Variants in EBF1 observed in about 807,000 individuals in gnomAD.
EBF1 encodes EBF transcription factor 1.
A neutral mutation model predicts 68.4 loss-of-function variants in EBF1; 10 were observed. The observed-to-expected ratio is 0.15, with a 90% confidence interval of 0.09 to 0.25. The LOEUF is 0.25. EBF1 is among the 10% of genes least tolerant of loss of function. The pLI, the probability that EBF1 is intolerant of heterozygous loss-of-function variation, is 1.00. For synonymous variants in EBF1, 298 were observed against 299.8 expected (o/e 0.99, Z 0.06); for missense variants, 509 against 794.4 (o/e 0.64, Z 4.32).
chr5:158,811,753 C>T (rs1208014642), intron 8 of EBF1, among the ~76,000 whole-genome samples: 1 of 152,184 alleles, frequency 6.6e-6, no homozygotes, highest in East Asian at 1.9e-4. Flanking sequence ...GGAACCACAT[C>T]TCAAAGTCAA....
At chr5:158,761,637 G>C (rs1056490359) in intron 10 of EBF1, among the ~76,000 whole-genome samples, 4 of 152,186 alleles carry the variant, frequency 2.6e-5, no homozygotes, top group Non-Finnish European at 5.9e-5. Flanking sequence ...TAAAAATAAA[G>C]TAAAATCATT....
chr5:158,775,389 C>T (rs1774910177), intron 10 of EBF1, among the ~76,000 whole-genome samples: 1 of 151,862 alleles, frequency 6.6e-6, no homozygotes, highest in Non-Finnish European at 1.5e-5. Context: ...GAGACCTGAC[C>T]ACAAAATGGA....
At chr5:158,749,208 T>C (rs1321260765) in intron 10 of EBF1, among the ~76,000 whole-genome samples, 1 of 152,166 alleles carries the variant, frequency 6.6e-6, no homozygotes, top group Non-Finnish European at 1.5e-5. Flanking sequence ...TCATTTACAA[T>C]TGGACTTTGT....
chr5:158,797,925 T>A (rs1779872272), intron 8 of EBF1, among the ~76,000 whole-genome samples: 1 of 152,212 alleles, frequency 6.6e-6, no homozygotes, highest in South Asian at 2.1e-4. Flanking sequence ...TGTCTGATTT[T>A]TTAACATACA....
At chr5:158,727,926 G>A (rs1005189579) in intron 11 of EBF1, among the ~76,000 whole-genome samples, 4 of 152,154 alleles carry the variant, frequency 2.6e-5, no homozygotes, top group Non-Finnish European at 5.9e-5. Flanking sequence ...ATGTGTGGGT[G>A]GTTGTATGAA....
intron 6 of EBF1, among the ~76,000 whole-genome samples, chr5:158,963,716 C>G (rs1753533803): frequency 6.6e-6 from 1 of 152,064 alleles, no homozygotes; most frequent in Non-Finnish European, 1.5e-5. Flanking sequence ...AAAAAGGCAC[C>G]CATCCAGCTA....
At chr5:158,967,850 A>C (rs1277478503) in intron 6 of EBF1, among the ~76,000 whole-genome samples, 1 of 152,220 alleles carries the variant, frequency 6.6e-6, no homozygotes, top group Non-Finnish European at 1.5e-5. Flanking sequence ...AAAACTACAA[A>C]AGGGCTGAAA....
chr5:158,921,283 G>A (rs766206484), intron 6 of EBF1, among the ~76,000 whole-genome samples: 3 of 152,138 alleles, frequency 2.0e-5, no homozygotes, highest in African/African-American at 7.2e-5. Context: ...CTAAATAGAT[G>A]AAATCTACAC....
At position 158,872,480 on chromosome 5, in the gene EBF1, G is replaced by A. The variant is rs151190418; in HGVS notation, c.555-32370C>T. 1.6e-4 allele frequency among the ~76,000 whole-genome samples: 24 copies of A among 152,270 alleles called. No individual in the cohort carries two copies. In the East Asian group the frequency reaches 3.1e-3, roughly 20 times the overall value. On this transcript the variant is annotated intron_variant, in intron 6 of 15. Coordinates refer to ENST00000313708, the MANE Select transcript of EBF1 (RefSeq NM_024007.5). ...ATCCTGAAGGGCTGGGATTACAGGC[G>A]TGAGCCACTGCACCCGGCCCTGTTT...
At chr5:158,745,509 T>G (rs1165467838) in intron 10 of EBF1, among the ~76,000 whole-genome samples, 1 of 152,184 alleles carries the variant, frequency 6.6e-6, no homozygotes, top group Non-Finnish European at 1.5e-5. Flanking sequence ...GTCGTGTATC[T>G]TTACCAAGTC....
chr5:158,980,057 T>G (rs976544325), intron 6 of EBF1, among the ~76,000 whole-genome samples: 2 of 152,066 alleles, frequency 1.3e-5, no homozygotes, highest in Non-Finnish European at 2.9e-5. Context: ...ATTAGGCAAT[T>G]GAGTAGAGAT....
At chr5:158,781,364 CTTTT>C (rs1206496422) in intron 9 of EBF1, among the ~76,000 whole-genome samples, 1 of 151,482 alleles carries the variant, frequency 6.6e-6, no homozygotes, top group Non-Finnish European at 1.5e-5. Flanking sequence ...GTTTTGTCTT[CTTTT>C]TTTTTCTCTA....
intron 11 of EBF1, among the ~76,000 whole-genome samples, chr5:158,723,077 G>A (rs567975477): frequency 5.3e-5 from 8 of 152,228 alleles, no homozygotes; most frequent in Admixed American, 2.6e-4. Context: ...ATTGGATAAC[G>A]GTTACTGCAA....
intron 6 of EBF1, among the ~76,000 whole-genome samples, chr5:158,865,050 A>G (rs1795641575): frequency 6.6e-6 from 1 of 152,160 alleles, no homozygotes; most frequent in Non-Finnish European, 1.5e-5. Flanking sequence ...GCAGCATTAC[A>G]TCTCCTCCTT....
chr5:158,956,467 A>G (rs1561622387), intron 6 of EBF1, among the ~76,000 whole-genome samples: 6 of 151,578 alleles, frequency 4.0e-5, no homozygotes. Context: ...ACATAGACAC[A>G]CACACACACA....
intron 6 of EBF1, among the ~76,000 whole-genome samples, chr5:158,875,943 C>T (rs1052364778): frequency 5.3e-5 from 8 of 152,048 alleles, no homozygotes; most frequent in African/African-American, 1.4e-4. Flanking sequence ...AATTTATGAC[C>T]CTTTTGGTAT....
At chr5:159,085,521 T>C (rs1417066780) in intron 4 of EBF1, among the ~76,000 whole-genome samples, 1 of 152,192 alleles carries the variant, frequency 6.6e-6, no homozygotes, top group African/African-American at 2.4e-5. Context: ...GAAGATTCCC[T>C]GGGACCTCAG....
intron 10 of EBF1, among the ~76,000 whole-genome samples, chr5:158,735,791 T>G (rs773636404): frequency 6.6e-6 from 1 of 152,226 alleles, no homozygotes; most frequent in Non-Finnish European, 1.5e-5. Flanking sequence ...TCTCATCATC[T>G]CAGAGTCCCC....
rs184810322 is a variant in EBF1, at chr5:159,090,047, A to T, written c.412-5308T>A. Among the ~76,000 whole-genome samples, 4 of 152,220 alleles carry T rather than the reference A, an allele frequency of 2.6e-5. No homozygotes were observed. In the East Asian group the frequency reaches 7.7e-4, roughly 29 times the overall value. On this transcript the variant is annotated intron_variant, in intron 4 of 15. Transcript: ENST00000313708. ...AGCCAAACCTACTTTGTCACCTAAG[A>T]GAATAAGTTCATGAATGCACAAAGT...
Sources: allele counts gnomAD v4.1 joint callset (sites outside exome capture counted in the v4.1 genomes callset), GRCh38; gene constraint gnomAD v4.1.1; transcripts MANE v1.5; gene names NCBI Gene and HGNC (gene_info 2026-07-23, HGNC 2026-07-21).